Variants in GIPR observed in about 807,000 individuals in gnomAD.
The protein encoded by GIPR is gastric inhibitory polypeptide receptor, also known as GIP-R.
A neutral mutation model predicts 62.2 loss-of-function variants in GIPR; 74 were observed. That is an observed-to-expected ratio of 1.19 (90% CI 0.99 to 1.44). GIPR has a LOEUF of 1.44. Among genes scored for constraint, GIPR ranks in the 40% most tolerant of loss-of-function variants. The probability of loss-of-function intolerance (pLI) is 0.00; values close to 1 mark genes in which losing one functional copy is unlikely to be tolerated. For missense variants in GIPR, 664 were observed against 611.8 expected, an observed-to-expected ratio of 1.09 and a Z score of -0.90; for synonymous variants, 256 against 262.2, an observed-to-expected ratio of 0.98 and a Z score of 0.23.
Position 45,678,074 on chromosome 19 carries a change from C to T in GIPR, c.1014-14C>T. On this transcript the variant is annotated splice_polypyrimidine_tract_variant and intron_variant, in intron 11 of 13. Transcript: ENST00000590918. The stretch of plus-strand genomic sequence containing the variant: ...CAGGGCTGCGGGATCACTGCTGCCG[C>T]CCTCTCTCCCCAGGCTGGCTCGCTC... 1 of 1,612,064 alleles carries T rather than the reference C, an allele frequency of 6.2e-7. No homozygotes were observed.
In GIPR at chr19:45,672,912, C is replaced by A. The variant is rs1468180757; in HGVS notation, c.342C>A (p.Asp114Glu). The part of the protein sequence containing the change: ...GSDGQWGLWR[D>E]HTQCENPEKN... The stretch of plus-strand genomic sequence containing the variant: ...ATGGCCAATGGGGACTTTGGAGAGA[C>A]CATACACAATGTGAGAACCCAGAGA... Residue 114 changes from aspartate to glutamate, a missense_variant, in exon 5 of 14, where the codon GAC (aspartate) becomes GAA (glutamate). Asp to Glu is a conservative substitution (Grantham distance 45). Coordinates refer to ENST00000590918, the MANE Select transcript of GIPR (RefSeq NM_000164.4). The A allele has an allele frequency of 1.2e-6, 2 of 1,612,774 alleles. No homozygotes were observed. The highest frequency in any genetic ancestry group is 8.5e-7 in the Non-Finnish European group (1 of 1,178,842).
rs184198154 is a variant in GIPR, at chr19:45,679,708, G to A, written c.1152+1482G>A. On this transcript the variant is annotated intron_variant, in intron 12 of 13. Coordinates refer to ENST00000590918, the MANE Select transcript of GIPR (RefSeq NM_000164.4). ...TGCAGCCTTGGACTCCTGGTCCAAAGCAATCCTCCTGCTTCAGCCTCCTAA... is the reference window on the plus strand; with the variant it reads ...TGCAGCCTTGGACTCCTGGTCCAAAACAATCCTCCTGCTTCAGCCTCCTAA... Among the ~76,000 whole-genome samples, 436 of 152,134 alleles carry A rather than the reference G, an allele frequency of 2.9e-3. 3 individuals are homozygous for A. The highest frequency in any genetic ancestry group is 0.01 in the African/African-American group (418 of 41,516).
intron 4 of GIPR, 152 bp from the exon 5 acceptor site, chr19:45,672,699 A>C (rs1239597384): frequency 1.2e-5 from 8 of 674,002 alleles, no homozygotes; most frequent in Non-Finnish European, 8.2e-6. Flanking sequence ...TAATACAAAT[A>C]ACATGCCATA....
In GIPR at chr19:45,677,711, T is replaced by C. The variant is rs201980985; in HGVS notation, c.856T>C (p.Cys286Arg). 5 of 1,611,804 alleles carry C rather than the reference T, an allele frequency of 3.1e-6. No individual in the cohort carries two copies. The African/African-American group carries it at 4.0e-5, about 13-fold the overall frequency. The change falls in exon 10 of 14, where the codon TGC becomes CGC. Residue 286 changes from cysteine to arginine, a missense_variant and splice_region_variant. Transcript: ENST00000590918. ...IVRYLYENTQ[C>R]WERNEVKAIW... ...TTAGCTCTACTCCGCCTTCCCCAGG[T>C]GCTGGGAGCGCAACGAAGTCAAGGC...
intron 2 of GIPR, chr19:45,670,154 T>A (rs2146064699): frequency 6.5e-6 from 1 of 153,920 alleles, no homozygotes; most frequent in East Asian, 2.0e-4. Flanking sequence ...CCTCAGCCTC[T>A]CGAGTAGCTG....
At position 45,681,838 on chromosome 19, in the gene GIPR, C is replaced by G; in HGVS notation, c.1304C>G (p.Ser435Cys). The G allele has an allele frequency of 6.4e-7, 1 of 1,554,086 alleles. No individual in the cohort carries two copies. The highest frequency in any genetic ancestry group is 8.7e-7 in the Non-Finnish European group (1 of 1,148,550). Reference protein sequence around the residue: ...ERAFRALPSGSGPGEVPTSRG... With the variant: ...ERAFRALPSGCGPGEVPTSRG... ...GCCTTCCGGGCCCTGCCCTCCGGCT[C>G]CGGCCCGGGCGAGGTCCCCACCAGC... Residue 435 changes from serine (S) to cysteine (C), a missense_variant, in exon 14 of 14, where the codon TCC becomes TGC. By Grantham distance (112) the Ser-to-Cys change is moderately radical. Coordinates refer to ENST00000590918, the MANE Select transcript of GIPR (RefSeq NM_000164.4).
intron 8 of GIPR, 54 bp downstream of exon 8, chr19:45,677,162 C>T (rs575096601): frequency 6.3e-7 from 1 of 1,583,768 alleles, no homozygotes; most frequent in East Asian, 2.3e-5. Context: ...CTCGGCTCCC[C>T]CAACTGCCCT....
chr19:45,677,443 C>G, intron 9 of GIPR, 60 bp downstream of exon 9: 1 of 1,215,456 alleles, frequency 8.2e-7, no homozygotes, highest in Non-Finnish European at 1.2e-6. Flanking sequence ...GGGACTGTGG[C>G]GGGTTGTGAT....
intron 10 of GIPR, 50 bp downstream of exon 10, chr19:45,677,829 T>A: frequency 6.2e-7 from 1 of 1,601,808 alleles, no homozygotes; most frequent in Non-Finnish European, 8.6e-7. Flanking sequence ...TTTCCCATTC[T>A]GGGAAGTGGG....
At position 45,669,519 on chromosome 19, in the gene GIPR, C is replaced by T. The variant is rs5390; in HGVS notation, c.-2C>T. 2.5e-6 allele frequency: 4 copies of T among 1,573,566 alleles called. No homozygotes were observed. Among genetic ancestry groups the T allele is most frequent in the Non-Finnish European group, 3.4e-6 (4 of 1,162,638 alleles). On this transcript the variant is annotated 5_prime_UTR_variant, in exon 2 of 14. It adds an upstream start codon to the 5' untranslated region. Coordinates refer to ENST00000590918, the MANE Select transcript of GIPR (RefSeq NM_000164.4). ...CGAACCAGACCCTTCGCCGCCCTCACGATGACTACCTCTCCGATCCTGCAG... is the reference window on the plus strand; with the variant it reads ...CGAACCAGACCCTTCGCCGCCCTCATGATGACTACCTCTCCGATCCTGCAG...
intron 7 of GIPR, among the ~76,000 whole-genome samples, chr19:45,676,336 A>G (rs1469058836): frequency 1.3e-5 from 2 of 151,840 alleles, no homozygotes; most frequent in African/African-American, 2.4e-5. Context: ...CTAGGGGGGA[A>G]CTGACGGCAA....
intron 12 of GIPR, among the ~76,000 whole-genome samples, 163 bp from the exon 13 acceptor site, chr19:45,681,441 G>T (rs567253511): frequency 6.6e-6 from 1 of 152,308 alleles, no homozygotes; most frequent in South Asian, 2.1e-4. Context: ...GTTGCCGTTT[G>T]CCGAGATCGT....
intron 12 of GIPR, 105 bp from the exon 13 acceptor site, chr19:45,681,499 A>AAAAC (rs149092660): frequency 0.18 from 180,347 of 986,944 alleles, 20,434 homozygotes; most frequent in East Asian, 0.45. Flanking sequence ...CCGACTCTTA[A>AAAAC]AAACAAACAA....
chr19:45,680,626 T>A (rs573824947), intron 12 of GIPR, among the ~76,000 whole-genome samples: 1 of 152,046 alleles, frequency 6.6e-6, no homozygotes, highest in East Asian at 1.9e-4. Flanking sequence ...GCTCAGGAGT[T>A]TGAGACAGCC....
rs938650025 is a variant in GIPR, at chr19:45,683,535, C to A, written c.*1600C>A. 1.3e-5 allele frequency: 2 copies of A among 152,206 alleles called. No homozygotes were observed. Among genetic ancestry groups the A allele is most frequent in the Admixed American group, 6.6e-5 (1 of 15,248 alleles). The allele number at this position is 152,206 out of a possible 1,614,324, so 9.4% of individuals were successfully genotyped here. On this transcript the variant is annotated 3_prime_UTR_variant, in exon 14 of 14. Coordinates refer to ENST00000590918, the MANE Select transcript of GIPR (RefSeq NM_000164.4). ...CCTACACATATGCACACTTAAGTTACCGTATGGGTGTTGTCGAGCATTTTC... is the reference window on the plus strand; with the variant it reads ...CCTACACATATGCACACTTAAGTTAACGTATGGGTGTTGTCGAGCATTTTC...
At position 45,670,684 on chromosome 19, in the gene GIPR, G is replaced by A. The variant is rs146012706; in HGVS notation, c.122G>A (p.Arg41Gln). The A allele has an allele frequency of 6.2e-7, 1 of 1,613,276 alleles. No homozygotes were observed. The highest frequency in any genetic ancestry group is 2.2e-5 in the East Asian group (1 of 44,870). The change falls in exon 3 of 14, where the codon CGG becomes CAG. Residue 41 changes from arginine to glutamine, a missense_variant. Physicochemically the swap from Arg to Gln is conservative, Grantham distance 43 (BLOSUM62 1). Transcript: ENST00000590918. The part of the protein sequence containing the change: ...TAGELYQRWE[R>Q]YRRECQETLA... ...GGGGAGCTGTACCAGCGCTGGGAAC[G>A]GTACCGCAGGGAGTGCCAGGAGACC...
Position 45,677,124 on chromosome 19 carries a change from G to A in GIPR, c.793+16G>A, listed in dbSNP as rs771597689. On this transcript the variant is annotated intron_variant, in intron 8 of 13. Transcript: ENST00000590918. ...CTCGGCTGGGGTGAGCTCCGATCCCGTCCCCCGCCCAACCCAGCGCGCCTC... is the reference window on the plus strand; with the variant it reads ...CTCGGCTGGGGTGAGCTCCGATCCCATCCCCCGCCCAACCCAGCGCGCCTC... 2.5e-6 allele frequency: 4 copies of A among 1,611,712 alleles called. No individual in the cohort carries two copies. In the East Asian group the frequency reaches 8.9e-5, roughly 36 times the overall value.
intron 1 of GIPR, among the ~76,000 whole-genome samples, chr19:45,668,815 G>T (rs913731392): frequency 1.3e-5 from 2 of 152,208 alleles, no homozygotes; most frequent in African/African-American, 4.8e-5. Context: ...CGCTTCTCTA[G>T]TCCCTAAGTA....
intron 12 of GIPR, among the ~76,000 whole-genome samples, chr19:45,680,556 G>A (rs1967173868): frequency 6.6e-6 from 1 of 151,096 alleles, no homozygotes; most frequent in South Asian, 2.1e-4. Context: ...CAGGCTGGGT[G>A]CGTTGGCTCA....
Sources: gnomAD v4.1 joint callset for allele counts (sites outside exome capture counted in the v4.1 genomes callset) on GRCh38, gnomAD v4.1.1 for gene constraint, MANE v1.5 for transcripts, NCBI Gene and HGNC (gene_info 2026-07-23, HGNC 2026-07-21) for gene names.